The following RXRA variants were observed in gnomAD, a reference collection of about 807,000 sequenced individuals.
The protein encoded by RXRA is retinoic acid receptor RXR-alpha.
Under a neutral mutation model 44.5 loss-of-function variants are expected in RXRA, and 5 were observed. That is an observed-to-expected ratio of 0.11 (90% CI 0.06 to 0.24). The LOEUF is 0.24. RXRA is among the 10% of genes least tolerant of loss of function. The pLI is 1.00. For synonymous variants in RXRA, 291 were observed against 271.4 expected (o/e 1.07, Z -0.71); for missense variants, 412 against 646.5 (o/e 0.64, Z 3.93).
rs1831570231 is a variant in RXRA at position 134,433,757 on chromosome 9, C to T, written c.1136-345C>T. Reference sequence around the variant, plus strand: ...CAGCAGCAGCATCCATTGTCTCTCCCAGTTCCCAAGGCGGCTGGAAGGAAG... The same window carrying T: ...CAGCAGCAGCATCCATTGTCTCTCCTAGTTCCCAAGGCGGCTGGAAGGAAG... On this transcript the variant is annotated intron_variant, in intron 8 of 9. Coordinates refer to ENST00000481739, the MANE Select transcript of RXRA (RefSeq NM_002957.6). This position sits in a 1 kb window ranked among gnomAD's most constrained non-coding sequence, Gnocchi z 4.2. 6.6e-6 allele frequency among the ~76,000 whole-genome samples: 1 copy of T among 152,090 alleles called. No individual in the cohort carries two copies. Among genetic ancestry groups the T allele is most frequent in the African/African-American group, 2.4e-5 (1 of 41,382 alleles).
intron 1 of RXRA, among the ~76,000 whole-genome samples, chr9:134,355,923 G>A (rs1463697407): frequency 6.6e-6 from 1 of 152,176 alleles, no homozygotes; most frequent in Non-Finnish European, 1.5e-5. Context: ...TCTGCGCCCA[G>A]GTGTCAGACA....
chr9:134,382,237 C>T (rs1037488128), intron 1 of RXRA, among the ~76,000 whole-genome samples: 1 of 151,890 alleles, frequency 6.6e-6, no homozygotes, highest in African/African-American at 2.4e-5. Context: ...TGTGGCCGGC[C>T]GCATGTGGGG....
chr9:134,354,825 T>TGGATTTGCCTCTCCCC, intron 1 of RXRA, among the ~76,000 whole-genome samples: 1 of 152,386 alleles, frequency 6.6e-6, no homozygotes, highest in East Asian at 1.9e-4. Context: ...GTCCTCGTCC[T>TGGATTTGCCTCTCCCC]GGATTTGCCT....
At position 134,349,005 on chromosome 9, in the gene RXRA, C is replaced by T. The variant is rs1029073467; in HGVS notation, c.28+22346C>T. On this transcript the variant is annotated intron_variant, in intron 1 of 9. Coordinates refer to ENST00000481739, the MANE Select transcript of RXRA (RefSeq NM_002957.6). This position sits in a 1 kb window ranked among gnomAD's most constrained non-coding sequence, Gnocchi z 4.3. ...GAGACTCGGGAGGGGCTGGCATATC[C>T]GAGACCCAGTTCTGTCACTTGCAGT... Among the ~76,000 whole-genome samples, 6 of 152,190 alleles carry T rather than the reference C, an allele frequency of 3.9e-5. No individual in the cohort carries two copies. Among genetic ancestry groups the T allele is most frequent in the East Asian group, 1.9e-4 (1 of 5,176 alleles).
chr9:134,401,497 G>GC, intron 1 of RXRA, 135 bp from the exon 2 acceptor site: 1 of 1,411,882 alleles, frequency 7.1e-7, no homozygotes, highest in Non-Finnish European at 9.7e-7. Flanking sequence ...GAGAGCTGTC[G>GC]AGACCCACGG....
intron 1 of RXRA, among the ~76,000 whole-genome samples, chr9:134,344,135 T>G (rs868909781): frequency 6.6e-6 from 1 of 152,198 alleles, no homozygotes; most frequent in South Asian, 2.1e-4. Context: ...TCCCTGCGCT[T>G]GAAGCTGGCC....
At chr9:134,364,189 G>A (rs891182176) in intron 1 of RXRA, among the ~76,000 whole-genome samples, 18 of 152,210 alleles carry the variant, frequency 1.2e-4, no homozygotes, top group Non-Finnish European at 1.6e-4. Flanking sequence ...ACTCAGTGGG[G>A]TGAGGTCCAC....
intron 1 of RXRA, among the ~76,000 whole-genome samples, chr9:134,380,499 C>T (rs1333416921): frequency 6.6e-6 from 1 of 152,078 alleles, no homozygotes; most frequent in African/African-American, 2.4e-5. Context: ...GGGCGGCCCC[C>T]CCTGGGAGGA....
chr9:134,401,750 T>A lies in RXRA; in HGVS notation c.147T>A (p.Ser49=), dbSNP rs1830963846. The change falls in exon 2 of 10, where the codon TCT becomes TCA. Residue 49 remains serine (S), a synonymous_variant. Transcript: ENST00000481739. ...TCGGCTCCCCGGGACAGCTGCATTC[T>A]CCCATCAGCACCCTGAGCTCCCCCA... ...PGIGSPGQLH[S]PISTLSSPIN... is the part of the protein sequence containing the mutation. The A allele has an allele frequency of 3.1e-6, 5 of 1,613,072 alleles. No homozygotes were observed. In the African/African-American group the frequency reaches 4.0e-5, roughly 13 times the overall value.
At chr9:134,418,150 G>A (rs908558222) in intron 5 of RXRA, among the ~76,000 whole-genome samples, 29 of 152,130 alleles carry the variant, frequency 1.9e-4, no homozygotes, top group African/African-American at 5.3e-4. Flanking sequence ...TGTGCTGCTC[G>A]GGAACCATTG....
At chr9:134,338,340 G>C (rs1234148795) in intron 1 of RXRA, among the ~76,000 whole-genome samples, 2 of 152,248 alleles carry the variant, frequency 1.3e-5, no homozygotes, top group Non-Finnish European at 2.9e-5. Context: ...AATGCCAGCT[G>C]TGGCGCTGAA....
chr9:134,401,497 G>A lies in RXRA; in HGVS notation c.29-135G>A, dbSNP rs35694318. On this transcript the variant is annotated intron_variant, in intron 1 of 9. Transcript: ENST00000481739. ...TGTGAATTTGCGTCAGAGAGCTGTC[G>A]AGACCCACGGGGCCACCTTGAGGGT... The A allele has an allele frequency of 4.6e-5, 65 of 1,411,882 alleles. No homozygotes were observed. In the African/African-American group the frequency reaches 8.3e-4, roughly 18 times the overall value. The allele number at this position is 1,411,882 out of a possible 1,614,324, so 87.5% of individuals were successfully genotyped here. A position where few individuals can be genotyped will look rare whatever the true frequency, so the allele number is the denominator to read the frequency against.
chr9:134,417,426 C>T lies in RXRA; in HGVS notation c.780+99C>T. The T allele has an allele frequency of 7.1e-7, 1 of 1,407,452 alleles. No individual in the cohort carries two copies. The highest frequency in any genetic ancestry group is 2.4e-5 in the East Asian group (1 of 41,060). The allele number at this position is 1,407,452 out of a possible 1,614,324, so 87.2% of individuals were successfully genotyped here. A position where few individuals can be genotyped will look rare whatever the true frequency, so the allele number is the denominator to read the frequency against. On this transcript the variant is annotated intron_variant, in intron 5 of 9. Transcript: ENST00000481739. This position sits in a 1 kb window ranked among gnomAD's most constrained non-coding sequence, Gnocchi z 6.1. ...GAGCAGCTGATGAGCCAGAGAGGTC[C>T]TGGGGGCTGCCCTGGGCCCTGTGGC... is the stretch of plus-strand genomic sequence containing the variant.
intron 1 of RXRA, among the ~76,000 whole-genome samples, chr9:134,348,735 C>T (rs1554749117): frequency 1.3e-5 from 2 of 152,252 alleles, no homozygotes; most frequent in East Asian, 1.9e-4. Flanking sequence ...CTGTCAAAGG[C>T]ATCACGTGTC....
In RXRA at chr9:134,431,775, C is replaced by G. The variant is rs928231733; in HGVS notation, c.1044-130C>G. On this transcript the variant is annotated intron_variant, in intron 7 of 9. Transcript: ENST00000481739. ...CTCTCGGGGTGTCTGGGAGTCCTTGCCTTGGCTTGGCCCATCTCAGCGGCC... is the reference window on the plus strand; with the variant it reads ...CTCTCGGGGTGTCTGGGAGTCCTTGGCTTGGCTTGGCCCATCTCAGCGGCC... The G allele has an allele frequency of 9.3e-6, 6 of 646,284 alleles. No homozygotes were observed. The African/African-American group carries it at 1.2e-4, about 13-fold the overall frequency. 40.0% of individuals were successfully genotyped at this position (646,284 alleles called of 1,614,324 possible).
intron 1 of RXRA, among the ~76,000 whole-genome samples, chr9:134,370,744 G>A (rs886859064): frequency 6.6e-6 from 1 of 152,126 alleles, no homozygotes; most frequent in East Asian, 1.9e-4. Context: ...CATGCAGTTC[G>A]CTGTGTGGCG....
chr9:134,415,625 C>T (rs1831221470), intron 4 of RXRA, among the ~76,000 whole-genome samples: 1 of 152,096 alleles, frequency 6.6e-6, no homozygotes, highest in South Asian at 2.1e-4. Context: ...TCTGCCAGGC[C>T]ATACCCTTGG....
At chr9:134,425,591 C>CGG in intron 6 of RXRA, 1 of 347,168 alleles carries the variant, frequency 2.9e-6, no homozygotes, top group Non-Finnish European at 3.4e-6. Context: ...TGGAAGTGGG[C>CGG]GGGCCTTGCT....
intron 1 of RXRA, chr9:134,380,165 T>TG: frequency 1.0e-6 from 1 of 985,396 alleles, no homozygotes; most frequent in Non-Finnish European, 1.2e-6. Context: ...TCAGGGCAGG[T>TG]GCGTGTGTTG....
Sources: allele counts gnomAD v4.1 joint callset (sites outside exome capture counted in the v4.1 genomes callset), GRCh38; gene constraint gnomAD v4.1.1; non-coding constraint Gnocchi (gnomAD v3.1); transcripts MANE v1.5; gene names NCBI Gene and HGNC (gene_info 2026-07-23, HGNC 2026-07-21).